Variants in CD300LB observed in about 807,000 individuals in gnomAD.
CD300LB encodes CD300 molecule like family member b.
In CD300LB, 18 loss-of-function variants were observed where a neutral mutation model predicts 20.8. That is an observed-to-expected ratio of 0.87 (90% CI 0.60 to 1.28). The LOEUF (loss-of-function observed/expected upper bound fraction) is 1.28, where lower values mean the gene tolerates loss of function less well. CD300LB is among the 50% of genes most tolerant of loss of function. The probability of loss-of-function intolerance (pLI) is 0.00; values close to 1 mark genes in which losing one functional copy is unlikely to be tolerated. For synonymous variants in CD300LB, 91 were observed against 91.3 expected, an observed-to-expected ratio of 1.00 and a Z score of 0.02; for missense variants, 222 against 251.8, an observed-to-expected ratio of 0.88 and a Z score of 0.80.
chr17:74,525,782 G>A lies in CD300LB; in HGVS notation c.336C>T (p.Asp112=), dbSNP rs780227021. Residue 112 remains aspartate (D), a synonymous_variant, in exon 2 of 4, where the codon GAC becomes GAT. Transcript: ENST00000392621. The part of the protein sequence containing the change: ...YWCGIERRGP[D]LGTQVKVIVD... ...CGATCACTTTCACTTGAGTCCCAAGGTCAGGTCCTCTTCTTTCAATCCCAC... is the reference window on the plus strand; with the variant it reads ...CGATCACTTTCACTTGAGTCCCAAGATCAGGTCCTCTTCTTTCAATCCCAC... 1 of 1,614,094 alleles carries A rather than the reference G, an allele frequency of 6.2e-7. No individual in the cohort carries two copies. Among genetic ancestry groups the A allele is most frequent in the South Asian group, 1.1e-5 (1 of 91,076 alleles).
At chr17:74,528,076 C>T (rs1293964776) in intron 1 of CD300LB, among the ~76,000 whole-genome samples, 1 of 151,846 alleles carries the variant, frequency 6.6e-6, no homozygotes, top group Non-Finnish European at 1.5e-5. Context: ...GTCACTGTCT[C>T]CCATCACCCC....
intron 3 of CD300LB, 49 bp downstream of exon 3, chr17:74,523,530 C>T (rs1233358657): frequency 7.2e-7 from 1 of 1,385,992 alleles, no homozygotes; most frequent in East Asian, 2.3e-5. Flanking sequence ...TTGGCTTCCC[C>T]TTAGGAGGGA....
intron 1 of CD300LB, among the ~76,000 whole-genome samples, chr17:74,528,220 T>C (rs1031555790): frequency 6.6e-6 from 1 of 151,998 alleles, no homozygotes; most frequent in African/African-American, 2.4e-5. Context: ...GTGTAATGCG[T>C]TTGAATCATC....
At chr17:74,531,184 C>G in intron 1 of CD300LB, 127 bp downstream of exon 1, 1 of 1,089,418 alleles carries the variant, frequency 9.2e-7, no homozygotes, top group Non-Finnish European at 1.3e-6. Flanking sequence ...TGTCAGTCCC[C>G]AGTGCACCTT....
intron 1 of CD300LB, 68 bp downstream of exon 1, chr17:74,531,243 G>A (rs1479862418): frequency 3.5e-6 from 5 of 1,447,708 alleles, no homozygotes; most frequent in Non-Finnish European, 4.6e-6. Context: ...GATGTGGAAG[G>A]ACAAATGCCC....
rs955221767 is a variant in CD300LB, at chr17:74,521,650, A to G, written c.*1088T>C. 3.0e-6 allele frequency: 3 copies of G among 985,260 alleles called. No individual in the cohort carries two copies. Among genetic ancestry groups the G allele is most frequent in the African/African-American group, 3.5e-5 (2 of 57,190 alleles). 61.0% of individuals were successfully genotyped at this position (985,260 alleles called of 1,614,324 possible). ...CAGTCAGTACTCCCTATTAGAACCA[A>G]GAGCAGGTTGGAGGCGTCCTCATGG... On this transcript the variant is annotated 3_prime_UTR_variant, in exon 4 of 4. Transcript: ENST00000392621.
chr17:74,523,308 C>G (rs965768143), intron 3 of CD300LB: 29 of 550,786 alleles, frequency 5.3e-5, no homozygotes, highest in Non-Finnish European at 9.5e-5. Flanking sequence ...CCCCCTGGCA[C>G]CCATTAGGCC....
chr17:74,527,722 G>A (rs1036775491), intron 1 of CD300LB, among the ~76,000 whole-genome samples: 1 of 152,146 alleles, frequency 6.6e-6, no homozygotes, highest in African/African-American at 2.4e-5. Flanking sequence ...TGGAAGAAGA[G>A]GCCACCGGCC....
In CD300LB at chr17:74,521,421, C is replaced by G; in HGVS notation, c.*1317G>C. On this transcript the variant is annotated 3_prime_UTR_variant, in exon 4 of 4. Transcript: ENST00000392621. Reference sequence around the variant, plus strand: ...GCTGGTGGACTGTGGGTCTTGGTCCCTCACAGAATGACTCAGGGGATCTTA... The same window carrying G: ...GCTGGTGGACTGTGGGTCTTGGTCCGTCACAGAATGACTCAGGGGATCTTA... 1.0e-6 allele frequency: 1 copy of G among 985,554 alleles called. No homozygotes were observed. The highest frequency in any genetic ancestry group is 1.2e-6 in the Non-Finnish European group (1 of 830,022). The allele number at this position is 985,554 out of a possible 1,614,324, so 61.1% of individuals were successfully genotyped here. A position where few individuals can be genotyped will look rare whatever the true frequency, so the allele number is the denominator to read the frequency against.
intron 1 of CD300LB, among the ~76,000 whole-genome samples, chr17:74,526,919 C>G (rs1366437811): frequency 6.6e-6 from 1 of 152,138 alleles, no homozygotes; most frequent in Non-Finnish European, 1.5e-5. Context: ...TCTTGTCTCA[C>G]CTGACAAGCC....
chr17:74,526,408 G>C (rs1263905450), intron 1 of CD300LB, among the ~76,000 whole-genome samples: 1 of 152,084 alleles, frequency 6.6e-6, no homozygotes, highest in African/African-American at 2.4e-5. Context: ...CAGCCCTCTG[G>C]GGGAAAAAAT....
chr17:74,531,281 C>A, intron 1 of CD300LB, 30 bp downstream of exon 1: 2 of 1,521,324 alleles, frequency 1.3e-6, no homozygotes, highest in African/African-American at 1.4e-5. Context: ...CCCTGTCATA[C>A]CAAGCGCCCA....
At chr17:74,525,075 G>T (rs573326855) in intron 2 of CD300LB, among the ~76,000 whole-genome samples, 2 of 152,120 alleles carry the variant, frequency 1.3e-5, no homozygotes, top group Non-Finnish European at 2.9e-5. Context: ...AGGGGTGTGC[G>T]GGTGGAAGTG....
At chr17:74,528,249 A>T (rs1908094216) in intron 1 of CD300LB, among the ~76,000 whole-genome samples, 1 of 151,742 alleles carries the variant, frequency 6.6e-6, no homozygotes, top group African/African-American at 2.4e-5. Flanking sequence ...TCCTCACCCC[A>T]CTCCTGATGT....
chr17:74,531,451 C>T lies in CD300LB; in HGVS notation c.-101G>A, dbSNP rs1340351052. On this transcript the variant is annotated 5_prime_UTR_variant, in exon 1 of 4. Transcript: ENST00000392621. ...GTTCTGCCTGAGCTCTGGCTTGCAC[C>T]TTCTGCACATCTAGACCGCCTTTGA... The T allele has an allele frequency of 7.5e-6, 12 of 1,595,382 alleles. No homozygotes were observed. Among genetic ancestry groups the T allele is most frequent in the Non-Finnish European group, 9.4e-6 (11 of 1,171,322 alleles).
intron 1 of CD300LB, among the ~76,000 whole-genome samples, chr17:74,530,028 G>A (rs969608301): frequency 5.3e-5 from 8 of 152,202 alleles, no homozygotes; most frequent in Non-Finnish European, 1.0e-4. Flanking sequence ...TCTATATGTT[G>A]TCAAGAGTTG....
In CD300LB at chr17:74,525,884, G is replaced by A; in HGVS notation, c.234C>T (p.Ile78=). Residue 78 remains isoleucine, a synonymous_variant, in exon 2 of 4, where the codon ATC becomes ATT. Coordinates refer to ENST00000392621, the MANE Select transcript of CD300LB (RefSeq NM_174892.4). ...EQGEKSDRVS[I]KDNQKDRTFT... ...ACGTGCGGTCTTTCTGATTGTCCTT[G>A]ATGGACACACGGTCACTCTTCTCTC... 6.2e-7 allele frequency: 1 copy of A among 1,614,104 alleles called. No individual in the cohort carries two copies. Among genetic ancestry groups the A allele is most frequent in the Non-Finnish European group, 8.5e-7 (1 of 1,180,020 alleles).
chr17:74,528,150 G>T (rs1392357242), intron 1 of CD300LB, among the ~76,000 whole-genome samples: 1 of 151,814 alleles, frequency 6.6e-6, no homozygotes, highest in Non-Finnish European at 1.5e-5. Flanking sequence ...ACATTATGGT[G>T]CAGTGTATAA....
In CD300LB at chr17:74,522,308, A is replaced by C. The variant is rs988746517; in HGVS notation, c.*430T>G. 32 of 987,938 alleles carry C rather than the reference A, an allele frequency of 3.2e-5. No homozygotes were observed. In the African/African-American group the frequency reaches 5.6e-4, roughly 17 times the overall value. 61.2% of individuals were successfully genotyped at this position (987,938 alleles called of 1,614,324 possible). ...TAAAACCCAACTTTGCTAGAAAAAA[A>C]AAAATTTAAAAACACGGATATATCA... On this transcript the variant is annotated 3_prime_UTR_variant, in exon 4 of 4. Transcript: ENST00000392621.
Sources: gnomAD v4.1 joint callset for allele counts (sites outside exome capture counted in the v4.1 genomes callset) on GRCh38, gnomAD v4.1.1 for gene constraint, MANE v1.5 for transcripts, NCBI Gene and HGNC (gene_info 2026-07-23, HGNC 2026-07-21) for gene names.